Variants in CADM2 observed in about 807,000 individuals in gnomAD.
The protein encoded by CADM2 is cell adhesion molecule 2.
A neutral mutation model predicts 49.8 loss-of-function variants in CADM2; 12 were observed. That is an observed-to-expected ratio of 0.24 (90% confidence interval 0.15 to 0.39). The LOEUF (loss-of-function observed/expected upper bound fraction) is 0.39. Ranked by LOEUF, CADM2 falls within the 10% of genes least tolerant of loss-of-function variation. CADM2 has a pLI of 1.00. For synonymous variants in CADM2, 214 were observed against 175.4 expected (o/e 1.22, Z -1.74); for missense variants, 378 against 492.3 (o/e 0.77, Z 2.20).
chr3:85,762,601 C>G (rs2069445738), intron 2 of CADM2, among the ~76,000 whole-genome samples: 1 of 112,640 alleles, frequency 8.9e-6, no homozygotes, highest in Non-Finnish European at 1.7e-5. Flanking sequence ...ACTCCTCTCT[C>G]TCTCTCTCTC....
chr3:85,769,196 T>A (rs1249410006), intron 2 of CADM2, among the ~76,000 whole-genome samples: 1 of 114,352 alleles, frequency 8.7e-6, no homozygotes, highest in African/African-American at 3.8e-5. Context: ...ATATAGTATA[T>A]ATACACATAT....
intron 3 of CADM2, among the ~76,000 whole-genome samples, chr3:85,853,222 G>A (rs768074988): frequency 6.6e-6 from 1 of 151,046 alleles, no homozygotes; most frequent in Non-Finnish European, 1.5e-5. Flanking sequence ...TAGACAGAAA[G>A]AAATTTACAT....
At chr3:85,367,056 A>G (rs1271525441) in intron 1 of CADM2, among the ~76,000 whole-genome samples, 1 of 152,040 alleles carries the variant, frequency 6.6e-6, no homozygotes, top group Non-Finnish European at 1.5e-5. Flanking sequence ...TCTGTGTCAA[A>G]GAATAAAAAC....
At chr3:85,035,306 A>G (rs1425800235) in intron 1 of CADM2, among the ~76,000 whole-genome samples, 6 of 152,032 alleles carry the variant, frequency 3.9e-5, no homozygotes, top group African/African-American at 1.4e-4. Flanking sequence ...AGCTCTTTAT[A>G]TATTCTGGTT....
intron 1 of CADM2, among the ~76,000 whole-genome samples, chr3:85,314,180 G>A (rs1415083881): frequency 6.6e-6 from 1 of 152,068 alleles, no homozygotes; most frequent in Non-Finnish European, 1.5e-5. Flanking sequence ...GAGCCACCGC[G>A]CCCTGCCTGT....
At chr3:85,401,055 C>A (rs758766649) in intron 1 of CADM2, among the ~76,000 whole-genome samples, 5 of 152,162 alleles carry the variant, frequency 3.3e-5, no homozygotes, top group African/African-American at 9.7e-5. Context: ...ATGATGATTT[C>A]CTTTTGAAAA....
intron 6 of CADM2, among the ~76,000 whole-genome samples, chr3:85,934,398 T>C (rs1204835675): frequency 1.3e-5 from 2 of 152,098 alleles, no homozygotes; most frequent in Admixed American, 6.6e-5. Flanking sequence ...TAATAAAGTA[T>C]GTTTAAATCT....
rs866471777 is a variant in CADM2 at position 85,917,796 on chromosome 3, A to C, written c.700+5253A>C. 2.6e-5 allele frequency among the ~76,000 whole-genome samples: 4 copies of C among 152,174 alleles called. No individual in the cohort carries two copies. In the South Asian group the frequency reaches 6.2e-4, roughly 24 times the overall value. On this transcript the variant is annotated intron_variant, in intron 6 of 9. Transcript: ENST00000383699. ...TTCACGATATTGATTCTTCCTGTTT[A>C]TGAGCACGGAGTGTTCTTCCATTTG...
intron 1 of CADM2, among the ~76,000 whole-genome samples, chr3:85,206,854 A>C (rs1454322669): frequency 6.6e-6 from 1 of 152,112 alleles, no homozygotes; most frequent in Non-Finnish European, 1.5e-5. Flanking sequence ...AGAAAGATGA[A>C]GAACTTGTAT....
chr3:85,510,482 GCTCT>G (rs1385845065), intron 1 of CADM2, among the ~76,000 whole-genome samples: 3 of 151,894 alleles, frequency 2.0e-5, no homozygotes, highest in South Asian at 4.2e-4. Flanking sequence ...GCCTAAAATT[GCTCT>G]CTAATGTCCT....
intron 1 of CADM2, among the ~76,000 whole-genome samples, chr3:85,640,287 A>G (rs1204045387): frequency 6.6e-6 from 1 of 152,154 alleles, no homozygotes; most frequent in African/African-American, 2.4e-5. Flanking sequence ...CCAATCACAG[A>G]TTTTCAGATG....
Position 85,577,240 on chromosome 3 carries a change from C to T in CADM2, c.62-149282C>T, listed in dbSNP as rs185683097. On this transcript the variant is annotated intron_variant, in intron 1 of 9. Coordinates refer to ENST00000383699, the MANE Select transcript of CADM2 (RefSeq NM_001167675.2). ...GATGCTATGATTTGAACGTGTCCCC[C>T]GGAGTTCATGTGTTGGAAGCTTAAT... Among the ~76,000 whole-genome samples the T allele has an allele frequency of 3.2e-3, 490 of 152,216 alleles. 2 individuals are homozygous for T. Among genetic ancestry groups the T allele is most frequent in the Non-Finnish European group, 4.5e-3 (303 of 68,026 alleles).
intron 1 of CADM2, among the ~76,000 whole-genome samples, chr3:85,157,878 C>G (rs1259422969): frequency 1.1e-4 from 17 of 152,120 alleles, no homozygotes; most frequent in Admixed American, 6.6e-4. Flanking sequence ...CGCAGCAAAA[C>G]AAACTACCAT....
intron 1 of CADM2, among the ~76,000 whole-genome samples, chr3:85,193,160 G>A (rs1165788149): frequency 6.6e-6 from 1 of 151,986 alleles, no homozygotes; most frequent in Admixed American, 6.6e-5. Flanking sequence ...GGGTATATAT[G>A]GGATATATGA....
At chr3:85,170,910 G>A (rs901094877) in intron 1 of CADM2, among the ~76,000 whole-genome samples, 1 of 152,042 alleles carries the variant, frequency 6.6e-6, no homozygotes, top group African/African-American at 2.4e-5. Flanking sequence ...TTTGTTTGAT[G>A]AACAACAATC....
rs145793967 is a variant in CADM2, at chr3:85,782,448, G to A, written c.89-19599G>A. Among the ~76,000 whole-genome samples the A allele has an allele frequency of 1.3e-3, 201 of 151,904 alleles. 1 individual carries two copies. The highest frequency in any genetic ancestry group is 4.5e-3 in the African/African-American group (188 of 41,448). On this transcript the variant is annotated intron_variant, in intron 2 of 9. Coordinates refer to ENST00000383699, the MANE Select transcript of CADM2 (RefSeq NM_001167675.2). Reference sequence around the variant, plus strand: ...TCTCAGCACTTTGGGAGGCTGAGGCGGGCGGATCACGAGGTCAGGAGATCG... The same window carrying A: ...TCTCAGCACTTTGGGAGGCTGAGGCAGGCGGATCACGAGGTCAGGAGATCG...
chr3:85,296,393 G>A (rs1321730274), intron 1 of CADM2, among the ~76,000 whole-genome samples: 3 of 151,710 alleles, frequency 2.0e-5, no homozygotes, highest in Admixed American at 2.0e-4. Flanking sequence ...CCAATATCTA[G>A]TTGTGTTCAT....
intron 1 of CADM2, among the ~76,000 whole-genome samples, chr3:85,664,601 T>G (rs946295041): frequency 1.3e-5 from 2 of 151,984 alleles, no homozygotes; most frequent in Non-Finnish European, 2.9e-5. Flanking sequence ...TTTTTTTTCC[T>G]TATAATAGCC....
intron 2 of CADM2, among the ~76,000 whole-genome samples, chr3:85,758,793 T>A (rs972318274): frequency 2.6e-5 from 4 of 152,232 alleles, no homozygotes; most frequent in South Asian, 2.1e-4. Flanking sequence ...TAATGAGTCT[T>A]TTTTGGTACT....
Sources: gnomAD v4.1 joint callset for allele counts (sites outside exome capture counted in the v4.1 genomes callset) on GRCh38, gnomAD v4.1.1 for gene constraint, MANE v1.5 for transcripts, NCBI Gene and HGNC (gene_info 2026-07-23, HGNC 2026-07-21) for gene names.